Variants in ANKRD12 observed in about 807,000 individuals in gnomAD.
ANKRD12 encodes ankyrin repeat domain 12, also known as ankyrin repeat domain-containing protein 12.
Under a neutral mutation model 183.4 loss-of-function variants are expected in ANKRD12, and 85 were observed. That is an observed-to-expected ratio of 0.46 (90% CI 0.39 to 0.56). ANKRD12 has a LOEUF of 0.56. Ranked by LOEUF, ANKRD12 falls within the 20% of genes least tolerant of loss-of-function variation. The pLI is 0.00. For missense variants in ANKRD12, 2,405 were observed against 2,357.1 expected (o/e 1.02, Z -0.42); for synonymous variants, 914 against 800.2 (o/e 1.14, Z -2.40).
At chr18:9,217,431 C>T (rs919187983) in intron 7 of ANKRD12, among the ~76,000 whole-genome samples, 1 of 152,028 alleles carries the variant, frequency 6.6e-6, no homozygotes, top group African/African-American at 2.4e-5. Context: ...GAAAAAAAGA[C>T]ACTACATGTA....
At chr18:9,228,911 CTT>C (rs35586900) in intron 8 of ANKRD12, among the ~76,000 whole-genome samples, 232 of 148,104 alleles carry the variant, frequency 1.6e-3, no homozygotes, top group African/African-American at 3.7e-3. Flanking sequence ...TTTCCATGTG[CTT>C]TTTTTTTTTT....
Position 9,264,897 on chromosome 18 carries a change from C to G in ANKRD12, c.5763+1009C>G, listed in dbSNP as rs1179193702. Among the ~76,000 whole-genome samples the G allele has an allele frequency of 2.6e-5, 4 of 152,344 alleles. No homozygotes were observed. In the East Asian group the frequency reaches 5.8e-4, roughly 22 times the overall value. ...ATGGCCGAATAGGAACAGCTCCAGT[C>G]TACAGCTGCCAGCGTGAGCGACGCA... On this transcript the variant is annotated intron_variant, in intron 10 of 12. Coordinates refer to ENST00000262126, the MANE Select transcript of ANKRD12 (RefSeq NM_015208.5).
At chr18:9,236,406 TCAA>T (rs373103188) in intron 8 of ANKRD12, among the ~76,000 whole-genome samples, 851 of 69,464 alleles carry the variant, frequency 0.012, 4 homozygotes, top group African/African-American at 0.04. Context: ...GGAAACAGCT[TCAA>T]CAACAACAAA....
At chr18:9,137,700 AAAT>A (rs2078165854) in intron 1 of ANKRD12, 2 of 152,130 alleles carry the variant, frequency 1.3e-5, no homozygotes, top group African/African-American at 4.8e-5. Flanking sequence ...TGCCAGTGTA[AAAT>A]AACCTTGCCG....
At chr18:9,185,239 T>C (rs547803633) in intron 2 of ANKRD12, among the ~76,000 whole-genome samples, 2 of 152,326 alleles carry the variant, frequency 1.3e-5, no homozygotes, top group Admixed American at 6.5e-5. Flanking sequence ...TTGGAACTTA[T>C]TCTGTAGTCA....
At chr18:9,171,612 C>T (rs2032735635) in intron 1 of ANKRD12, among the ~76,000 whole-genome samples, 1 of 152,104 alleles carries the variant, frequency 6.6e-6, no homozygotes, top group African/African-American at 2.4e-5. Context: ...TTTGGGAGCT[C>T]TTTCAAGACA....
At position 9,256,914 on chromosome 18, in the gene ANKRD12, G is replaced by T. The variant is rs1393162392; in HGVS notation, c.3647G>T (p.Cys1216Phe). 1.2e-6 allele frequency: 2 copies of T among 1,613,998 alleles called. No individual in the cohort carries two copies. Among genetic ancestry groups the T allele is most frequent in the East Asian group, 2.2e-5 (1 of 44,888 alleles). Residue 1216 changes from cysteine to phenylalanine, a missense_variant, in exon 9 of 13, where the codon TGC becomes TTC. Coordinates refer to ENST00000262126, the MANE Select transcript of ANKRD12 (RefSeq NM_015208.5). The part of the protein sequence containing the change: ...MISVASSEDS[C>F]HTTVTTPRPP... ...TCTGTTGCTAGTTCAGAAGATTCCTGCCATACTACAGTGACAACCCCAAGG... is the reference window on the plus strand; with the variant it reads ...TCTGTTGCTAGTTCAGAAGATTCCTTCCATACTACAGTGACAACCCCAAGG...
At chr18:9,248,783 G>A (rs1299803479) in intron 8 of ANKRD12, among the ~76,000 whole-genome samples, 2 of 152,224 alleles carry the variant, frequency 1.3e-5, no homozygotes, top group Non-Finnish European at 2.9e-5. Flanking sequence ...GCTATGGATG[G>A]CATGGGAAGC....
At chr18:9,187,533 T>C (rs1291316598) in intron 2 of ANKRD12, among the ~76,000 whole-genome samples, 1 of 152,220 alleles carries the variant, frequency 6.6e-6, no homozygotes, top group African/African-American at 2.4e-5. Flanking sequence ...AAAATTTCAC[T>C]CCTTAAATTC....
At chr18:9,192,310 A>T (rs7506291) in intron 2 of ANKRD12, among the ~76,000 whole-genome samples, 2 of 151,962 alleles carry the variant, frequency 1.3e-5, no homozygotes. Flanking sequence ...TGTTCTTGCC[A>T]TCATAGGGTT....
chr18:9,181,277 G>A (rs35234059), intron 1 of ANKRD12, among the ~76,000 whole-genome samples: 88 of 152,200 alleles, frequency 5.8e-4, no homozygotes, highest in African/African-American at 2.0e-3. Context: ...GTTTATTTAA[G>A]GGATTTTTGG....
rs1381780533 is a variant in ANKRD12 at position 9,282,193 on chromosome 18, A to G, written c.*1067A>G. 3 of 152,628 alleles carry G rather than the reference A, an allele frequency of 2.0e-5. No homozygotes were observed. Among genetic ancestry groups the G allele is most frequent in the South Asian group, 2.1e-4 (1 of 4,834 alleles). 9.5% of individuals were successfully genotyped at this position (152,628 alleles called of 1,614,324 possible). A position where few individuals can be genotyped will look rare whatever the true frequency, so the allele number is the denominator to read the frequency against. ...TAATAAATTTTATTGGTCATGTTAA[A>G]TCATTGTAAAACTTTTTTACATTGC... On this transcript the variant is annotated 3_prime_UTR_variant, in exon 13 of 13. Coordinates refer to ENST00000262126, the MANE Select transcript of ANKRD12 (RefSeq NM_015208.5).
intron 1 of ANKRD12, among the ~76,000 whole-genome samples, chr18:9,177,125 A>G (rs2033334684): frequency 6.6e-6 from 1 of 151,922 alleles, no homozygotes; most frequent in Non-Finnish European, 1.5e-5. Context: ...TAAACAGGAA[A>G]GTAGCCCTGA....
intron 1 of ANKRD12, among the ~76,000 whole-genome samples, chr18:9,158,469 G>A (rs1165819334): frequency 6.6e-6 from 1 of 152,160 alleles, no homozygotes; most frequent in African/African-American, 2.4e-5. Context: ...GTACAGTGAG[G>A]TAAGTGTAGG....
chr18:9,201,972 C>T (rs533349627), intron 3 of ANKRD12, among the ~76,000 whole-genome samples: 12 of 152,066 alleles, frequency 7.9e-5, no homozygotes, highest in African/African-American at 2.4e-4. Flanking sequence ...GGATTACAGG[C>T]GTGTGCCACC....
rs2040185114 is a variant in ANKRD12, at chr18:9,284,768, C to G, written c.*3642C>G. On this transcript the variant is annotated 3_prime_UTR_variant, in exon 13 of 13. Transcript: ENST00000262126. ...GGCAAATTAAAACAATTCCATTAAT[C>G]AAAATGGCTTTAAACAAATTAAGTA... is the stretch of plus-strand genomic sequence containing the variant. 1 of 151,894 alleles carries G rather than the reference C, an allele frequency of 6.6e-6. No individual in the cohort carries two copies. Among genetic ancestry groups the G allele is most frequent in the African/African-American group, 2.4e-5 (1 of 41,352 alleles). 9.4% of individuals were successfully genotyped at this position (151,894 alleles called of 1,614,324 possible).
intron 12 of ANKRD12, 24 bp downstream of exon 12, chr18:9,279,668 T>G: frequency 7.4e-7 from 1 of 1,345,734 alleles, no homozygotes; most frequent in East Asian, 2.3e-5. Flanking sequence ...GAAGTCAGTT[T>G]AAATGAATGC....
At chr18:9,252,858 C>CT (rs2145148529) in intron 8 of ANKRD12, among the ~76,000 whole-genome samples, 1 of 152,148 alleles carries the variant, frequency 6.6e-6, no homozygotes, top group South Asian at 2.1e-4. Flanking sequence ...TAATTAAATC[C>CT]TTTAAGTTAG....
intron 2 of ANKRD12, among the ~76,000 whole-genome samples, chr18:9,195,017 A>G (rs186812097): frequency 1.3e-5 from 2 of 152,308 alleles, no homozygotes; most frequent in East Asian, 3.9e-4. Context: ...AAAGAATGAG[A>G]TCATGTTTTT....
Sources: allele counts gnomAD v4.1 joint callset (sites outside exome capture counted in the v4.1 genomes callset), GRCh38; gene constraint gnomAD v4.1.1; transcripts MANE v1.5; gene names NCBI Gene and HGNC (gene_info 2026-07-23, HGNC 2026-07-21).